Variants in FRMD4B observed in about 807,000 individuals in gnomAD.
The protein encoded by FRMD4B is FERM domain-containing protein 4B.
FRMD4B carries 74 observed loss-of-function variants against 141.5 expected under a neutral mutation model. The observed-to-expected ratio is 0.52, with a 90% CI of 0.43 to 0.63. The LOEUF is 0.63. Among genes scored for constraint, FRMD4B ranks in the 30% least tolerant of loss-of-function variants. The pLI, the probability that FRMD4B is intolerant of heterozygous loss-of-function variation, is 0.00. For synonymous variants in FRMD4B, 506 were observed against 467.9 expected, an observed-to-expected ratio of 1.08 and a Z score of -1.05; for missense variants, 1,366 against 1,253.4, an observed-to-expected ratio of 1.09 and a Z score of -1.36.
chr3:69,323,607 TG>T (rs1702084879), intron 1 of FRMD4B, among the ~76,000 whole-genome samples: 1 of 85,264 alleles, frequency 1.2e-5, no homozygotes, highest in Non-Finnish European at 2.2e-5. Flanking sequence ...TCTCTCTCTG[TG>T]TATATATATA....
chr3:69,195,968 T>C (rs1212005586), intron 14 of FRMD4B, among the ~76,000 whole-genome samples: 1 of 152,208 alleles, frequency 6.6e-6, no homozygotes. Flanking sequence ...AAAAACTGAA[T>C]GCTGGAAAAA....
At chr3:69,424,924 C>CT (rs1705051721) in intron 2 of FRMD4B, among the ~76,000 whole-genome samples, 1 of 152,170 alleles carries the variant, frequency 6.6e-6, no homozygotes, top group African/African-American at 2.4e-5. Flanking sequence ...TTGACCTTAT[C>CT]TTTAGCCTTT....
intron 19 of FRMD4B, 31 bp from the exon 20 acceptor site, chr3:69,182,748 T>C: frequency 2.5e-6 from 4 of 1,607,186 alleles, no homozygotes; most frequent in Non-Finnish European, 3.4e-6. Flanking sequence ...ATTCAGGAAA[T>C]GATGAGTCTC....
intron 1 of FRMD4B, among the ~76,000 whole-genome samples, chr3:69,477,576 C>A: frequency 6.6e-6 from 1 of 151,850 alleles, no homozygotes; most frequent in Non-Finnish European, 1.5e-5. Context: ...GGTGGATAAG[C>A]TTTTTGATGT....
At chr3:69,263,391 A>G (rs1016624563) in intron 5 of FRMD4B, among the ~76,000 whole-genome samples, 5 of 138,706 alleles carry the variant, frequency 3.6e-5, no homozygotes, top group Non-Finnish European at 6.1e-5. Flanking sequence ...TGCTAGTTAC[A>G]TGCACTTTTT....
At chr3:69,452,903 T>C (rs1366186347) in intron 1 of FRMD4B, among the ~76,000 whole-genome samples, 1 of 152,220 alleles carries the variant, frequency 6.6e-6, no homozygotes, top group Non-Finnish European at 1.5e-5. Context: ...TAACCCAACA[T>C]AGCCAAAACA....
chr3:69,180,867 C>T, intron 21 of FRMD4B, 32 bp downstream of exon 21: 1 of 1,423,684 alleles, frequency 7.0e-7, no homozygotes, highest in Non-Finnish European at 9.7e-7. Flanking sequence ...TAAATAAAAT[C>T]CAGGTGTTGC....
At chr3:69,362,663 T>C (rs6774761) in intron 1 of FRMD4B, among the ~76,000 whole-genome samples, 55,336 of 150,212 alleles carry the variant, frequency 0.37, 12,129 homozygotes, top group African/African-American at 0.62. Context: ...GGTGACAGAG[T>C]GAGACTCCAT....
At chr3:69,538,563 A>C (rs1398941151) in intron 1 of FRMD4B, among the ~76,000 whole-genome samples, 1 of 152,204 alleles carries the variant, frequency 6.6e-6, no homozygotes, top group Non-Finnish European at 1.5e-5. Context: ...CCTAAAAAAA[A>C]TTACTGGTAG....
intron 11 of FRMD4B, among the ~76,000 whole-genome samples, chr3:69,215,282 C>CTTTGTTTTTTTTTTTTTTTT (rs1559724064): frequency 2.7e-5 from 1 of 37,474 alleles, no homozygotes; most frequent in African/African-American, 6.6e-5. Context: ...GATTGTGACC[C>CTTTGTTTTTTTTTTTTTTTT]TCTTTTTTTT....
At chr3:69,457,767 G>A (rs890980700) in intron 1 of FRMD4B, among the ~76,000 whole-genome samples, 2 of 152,190 alleles carry the variant, frequency 1.3e-5, no homozygotes, top group Non-Finnish European at 1.5e-5. Flanking sequence ...CTTAGTAGCC[G>A]ACCCTTGCGC....
chr3:69,418,607 C>A (rs1215220592), intron 2 of FRMD4B, among the ~76,000 whole-genome samples: 1 of 152,154 alleles, frequency 6.6e-6, no homozygotes, highest in African/African-American at 2.4e-5. Context: ...TGGAGGGGGC[C>A]ACATGTCAGG....
intron 1 of FRMD4B, among the ~76,000 whole-genome samples, chr3:69,453,740 G>A (rs1705537109): frequency 1.3e-5 from 2 of 152,298 alleles, no homozygotes; most frequent in African/African-American, 2.4e-5. Context: ...ATTATCTGAC[G>A]CTTTGAGAGC....
chr3:69,351,218 C>T (rs1260313067), intron 1 of FRMD4B, among the ~76,000 whole-genome samples: 3 of 152,158 alleles, frequency 2.0e-5, no homozygotes, highest in Non-Finnish European at 4.4e-5. Context: ...TGTACTCAGG[C>T]TTACTTTTCC....
At chr3:69,182,946 A>C (rs1310832355) in intron 19 of FRMD4B, among the ~76,000 whole-genome samples, 1 of 152,160 alleles carries the variant, frequency 6.6e-6, no homozygotes, top group African/African-American at 2.4e-5. Context: ...GAAAAAAAGG[A>C]CTTTTAATAA....
intron 1 of FRMD4B, among the ~76,000 whole-genome samples, chr3:69,365,988 G>T (rs565493605): frequency 6.6e-6 from 1 of 151,678 alleles, no homozygotes; most frequent in Admixed American, 6.6e-5. Flanking sequence ...AGAGGCTGAG[G>T]AGGGGGCAGA....
At chr3:69,520,121 T>C (rs1435555915) in intron 1 of FRMD4B, among the ~76,000 whole-genome samples, 2 of 118,996 alleles carry the variant, frequency 1.7e-5, no homozygotes, top group Non-Finnish European at 3.3e-5. Flanking sequence ...ATATATATGA[T>C]GGAATATATA....
chr3:69,260,098 A>G (rs1421098047), intron 5 of FRMD4B, among the ~76,000 whole-genome samples: 1 of 151,938 alleles, frequency 6.6e-6, no homozygotes, highest in Non-Finnish European at 1.5e-5. Context: ...TCCTATTGAG[A>G]GGTGACAACG....
chr3:69,216,319 T>C lies in FRMD4B; in HGVS notation c.820A>G (p.Ile274Val). ...DKQGLPWWLG[I>V]SYKGIGQYDI... Reference sequence around the variant, plus strand: ...TATTGGCCAATTCCCTTATAGCTTATTCCAAGCCACCAAGGAAGTCCTTGC... The same window carrying C: ...TATTGGCCAATTCCCTTATAGCTTACTCCAAGCCACCAAGGAAGTCCTTGC... The change falls in exon 11 of 23, where the codon ATA becomes GTA. Residue 274 changes from isoleucine to valine, a missense_variant. Transcript: ENST00000398540. 6.4e-7 allele frequency: 1 copy of C among 1,574,396 alleles called. No individual in the cohort carries two copies. Among genetic ancestry groups the C allele is most frequent in the Non-Finnish European group, 8.7e-7 (1 of 1,153,556 alleles).
Sources: gnomAD v4.1 joint callset for allele counts (sites outside exome capture counted in the v4.1 genomes callset) on GRCh38, gnomAD v4.1.1 for gene constraint, MANE v1.5 for transcripts, NCBI Gene and HGNC (gene_info 2026-07-23, HGNC 2026-07-21) for gene names.